The following TBCD variants were observed in gnomAD, a reference collection of about 807,000 sequenced individuals.
The protein encoded by TBCD is tubulin folding cofactor D.
In TBCD, 105 loss-of-function variants were observed where a neutral mutation model predicts 169.3. The observed-to-expected ratio is 0.62, with a 90% CI of 0.53 to 0.73. The LOEUF (loss-of-function observed/expected upper bound fraction) is 0.73, where lower values mean the gene tolerates loss of function less well. TBCD is among the 30% of genes least tolerant of loss of function. The pLI, the probability that TBCD is intolerant of heterozygous loss-of-function variation, is 0.00. For missense variants in TBCD, 1,444 were observed against 1,600.1 expected, an observed-to-expected ratio of 0.90 and a Z score of 1.66; for synonymous variants, 700 against 643.9, an observed-to-expected ratio of 1.09 and a Z score of -1.32.
In TBCD at chr17:82,781,612, A is replaced by C. The variant is rs1326425201; in HGVS notation, c.662A>C (p.Lys221Thr). ...AGATTTATCACACGTCCTGATGTCA[A>C]GCAAAGCAAGATGGCTGAGTTCCTG... Reference protein sequence around the residue: ...VSRFITRPDVKQSKMAEFLDW... With the variant: ...VSRFITRPDVTQSKMAEFLDW... Residue 221 changes from lysine to threonine, a missense_variant, in exon 7 of 39, where the codon AAG becomes ACG. Coordinates refer to ENST00000355528, the MANE Select transcript of TBCD (RefSeq NM_005993.5). 6.2e-7 allele frequency: 1 copy of C among 1,613,790 alleles called. No individual in the cohort carries two copies. The highest frequency in any genetic ancestry group is 1.7e-5 in the Admixed American group (1 of 60,008).
In TBCD at chr17:82,789,527, G is replaced by A. The variant is rs1035833082; in HGVS notation, c.771+7806G>A. 6.6e-6 allele frequency among the ~76,000 whole-genome samples: 1 copy of A among 152,214 alleles called. No individual in the cohort carries two copies. Among genetic ancestry groups the A allele is most frequent in the Non-Finnish European group, 1.5e-5 (1 of 68,036 alleles). On this transcript the variant is annotated intron_variant, in intron 7 of 38. Transcript: ENST00000355528. The surrounding 1 kb of genome is among the most constrained non-coding windows in gnomAD (Gnocchi z 4.8). ...CTGCTGCTGAGTGGGCTAGAGCTGG[G>A]TCTCAGTGGCCCCTGCCCCAGTCGT... is the stretch of plus-strand genomic sequence containing the variant.
chr17:82,808,553 G>A (rs1218663484), intron 11 of TBCD, among the ~76,000 whole-genome samples: 1 of 114,532 alleles, frequency 8.7e-6, no homozygotes, highest in Admixed American at 8.7e-5. Flanking sequence ...AGGGGTGGCA[G>A]GTCCTGGGGG....
chr17:82,765,701 C>T (rs902114733), intron 3 of TBCD, among the ~76,000 whole-genome samples: 13 of 152,146 alleles, frequency 8.5e-5, no homozygotes, highest in Admixed American at 2.6e-4. Context: ...TGAATTTGGG[C>T]CCTTGCGGTT....
intron 13 of TBCD, among the ~76,000 whole-genome samples, chr17:82,839,662 T>G (rs2054298941): frequency 6.6e-6 from 1 of 152,190 alleles, no homozygotes; most frequent in Non-Finnish European, 1.5e-5. Context: ...TGGTTTAACT[T>G]TTATGAATTT....
intron 13 of TBCD, among the ~76,000 whole-genome samples, chr17:82,863,271 G>A (rs971944869): frequency 6.6e-6 from 1 of 152,106 alleles, no homozygotes; most frequent in Non-Finnish European, 1.5e-5. Context: ...AGGAGGAGAA[G>A]CATTTCTTCC....
intron 27 of TBCD, among the ~76,000 whole-genome samples, chr17:82,925,712 ACT>A (rs1280263130): frequency 6.6e-6 from 1 of 151,828 alleles, no homozygotes; most frequent in African/African-American, 2.4e-5. Flanking sequence ...GCCATCTAAA[ACT>A]CGCATGTGGG....
intron 5 of TBCD, among the ~76,000 whole-genome samples, chr17:82,769,475 C>T (rs61278440): frequency 0.093 from 14,205 of 152,234 alleles, 1,764 homozygotes; most frequent in African/African-American, 0.28. Flanking sequence ...CTTCCTGCCA[C>T]GCTGACTGCG....
At position 82,895,435 on chromosome 17, in the gene TBCD, C is replaced by T. The variant is rs527585530; in HGVS notation, c.1649+1803C>T. On this transcript the variant is annotated intron_variant, in intron 17 of 38. Transcript: ENST00000355528. ...CATCAGGGAGGAGAGTTAGCAGGGC[C>T]CTGGGCCCTGGCGGGGAGCTGCTGG... Among the ~76,000 whole-genome samples the T allele has an allele frequency of 3.3e-5, 5 of 152,312 alleles. No individual in the cohort carries two copies. In the East Asian group the frequency reaches 9.7e-4, roughly 29 times the overall value.
At chr17:82,865,549 G>C in intron 13 of TBCD, 1 of 985,464 alleles carries the variant, frequency 1.0e-6, no homozygotes, top group Non-Finnish European at 1.2e-6. Flanking sequence ...GGGGTACTCG[G>C]CTGCACTGTG....
chr17:82,838,411 G>C (rs915793980), intron 13 of TBCD, among the ~76,000 whole-genome samples: 1 of 152,078 alleles, frequency 6.6e-6, no homozygotes, highest in African/African-American at 2.4e-5. Flanking sequence ...TGACAGGCTG[G>C]GTAACTATGC....
At chr17:82,911,460 A>G (rs1464508561) in intron 22 of TBCD, among the ~76,000 whole-genome samples, 2 of 152,136 alleles carry the variant, frequency 1.3e-5, no homozygotes, top group East Asian at 3.9e-4. Context: ...TAGTTTCTAT[A>G]AAGTAAGAGC....
intron 13 of TBCD, among the ~76,000 whole-genome samples, chr17:82,827,533 A>G (rs927120903): frequency 6.6e-6 from 1 of 152,194 alleles, no homozygotes; most frequent in Non-Finnish European, 1.5e-5. Context: ...TGCTTCGCAC[A>G]TGCCGGTACT....
In TBCD at chr17:82,800,921, T is replaced by C; in HGVS notation, c.875T>C (p.Leu292Pro). The C allele has an allele frequency of 3.7e-6, 6 of 1,612,318 alleles. No homozygotes were observed. Among genetic ancestry groups the C allele is most frequent in the Non-Finnish European group, 4.2e-6 (5 of 1,179,420 alleles). The change falls in exon 9 of 39, where the codon CTG (leucine) becomes CCG (proline). Residue 292 changes from leucine to proline, a missense_variant. Transcript: ENST00000355528. ...GCRLPESNQT[L>P]LRKLGVKLVQ... ...AGACTCCCTGAGAGCAACCAGACCCTGCTGCGGAAGCTGGGGGTGAAGCTT... is the reference window on the plus strand; with the variant it reads ...AGACTCCCTGAGAGCAACCAGACCCCGCTGCGGAAGCTGGGGGTGAAGCTT...
chr17:82,760,900 A>T (rs561038928), intron 2 of TBCD, among the ~76,000 whole-genome samples: 43 of 150,730 alleles, frequency 2.9e-4, no homozygotes, highest in African/African-American at 1.0e-3. Context: ...GGCTTTTTTC[A>T]CTTAGCATCA....
chr17:82,827,578 C>T (rs747440613), intron 13 of TBCD, among the ~76,000 whole-genome samples: 3 of 152,208 alleles, frequency 2.0e-5, no homozygotes, highest in Non-Finnish European at 4.4e-5. Context: ...CACACATGCA[C>T]GCTCACACAC....
At chr17:82,773,118 G>A (rs1354226518) in intron 6 of TBCD, among the ~76,000 whole-genome samples, 1 of 152,230 alleles carries the variant, frequency 6.6e-6, no homozygotes, top group African/African-American at 2.4e-5. Flanking sequence ...AGTTTACTAA[G>A]TCAGAACAGT....
intron 2 of TBCD, among the ~76,000 whole-genome samples, chr17:82,760,055 G>A (rs1238797157): frequency 1.3e-5 from 2 of 151,448 alleles, no homozygotes; most frequent in African/African-American, 4.9e-5. Flanking sequence ...TGTATTTTTA[G>A]TAGAGAACGG....
intron 15 of TBCD, among the ~76,000 whole-genome samples, chr17:82,887,168 T>C (rs866409974): frequency 0.031 from 3,941 of 125,970 alleles, 101 homozygotes; most frequent in African/African-American, 0.085. Flanking sequence ...TGTGTGTGTG[T>C]GCGCGCGCGC....
At chr17:82,860,074 T>G (rs769949206) in intron 13 of TBCD, among the ~76,000 whole-genome samples, 1 of 152,214 alleles carries the variant, frequency 6.6e-6, no homozygotes, top group Non-Finnish European at 1.5e-5. Context: ...AGTGGAGGTC[T>G]GAGTATGGGG....
Sources: gnomAD v4.1 joint callset for allele counts (sites outside exome capture counted in the v4.1 genomes callset) on GRCh38, gnomAD v4.1.1 for gene constraint, Gnocchi (gnomAD v3.1) non-coding constraint, MANE v1.5 for transcripts, NCBI Gene and HGNC (gene_info 2026-07-23, HGNC 2026-07-21) for gene names.